Variants in USP40 observed in about 807,000 individuals in gnomAD.
USP40 encodes ubiquitin specific peptidase 40, also known as ubiquitin carboxyl-terminal hydrolase 40.
A neutral mutation model predicts 166.2 loss-of-function variants in USP40; 143 were observed. The ratio of observed to expected loss-of-function variants is 0.86; its 90% CI spans 0.75 to 0.99. USP40 has a LOEUF of 0.99. USP40 is among the 50% of genes least tolerant of loss of function. USP40 has a pLI of 0.00. For synonymous variants in USP40, 498 were observed against 524.0 expected, an observed-to-expected ratio of 0.95 and a Z score of 0.68; for missense variants, 1,444 against 1,479.7, an observed-to-expected ratio of 0.98 and a Z score of 0.40.
rs751505656 is a variant in USP40 at position 233,511,807 on chromosome 2, A to T, written c.2438-10T>A. ...GTATAGCTGTCCGGCACTTAAAAAA[A>T]TTTTGATAATATGATGAAGGTTATT... On this transcript the variant is annotated splice_polypyrimidine_tract_variant and intron_variant, in intron 19 of 31. Transcript: ENST00000678225. 6 of 1,593,690 alleles carry T rather than the reference A, an allele frequency of 3.8e-6. No homozygotes were observed. Among genetic ancestry groups the T allele is most frequent in the East Asian group, 2.3e-5 (1 of 44,334 alleles).
intron 5 of USP40, 79 bp from the exon 6 acceptor site, chr2:233,554,605 G>T: frequency 8.8e-7 from 1 of 1,131,240 alleles, no homozygotes; most frequent in Non-Finnish European, 1.2e-6. Flanking sequence ...TATATATTGG[G>T]AATAATCAGA....
chr2:233,560,142 A>C (rs985399253), intron 3 of USP40, among the ~76,000 whole-genome samples: 1 of 152,226 alleles, frequency 6.6e-6, no homozygotes, highest in African/African-American at 2.4e-5. Context: ...TTCTACCTTG[A>C]TATGGTTCAG....
chr2:233,549,471 A>T (rs1165005360), intron 7 of USP40, among the ~76,000 whole-genome samples: 2 of 152,114 alleles, frequency 1.3e-5, no homozygotes, highest in African/African-American at 4.8e-5. Flanking sequence ...CAAGTACCTG[A>T]AAAATACGTT....
At chr2:233,519,777 C>A in intron 17 of USP40, 106 bp from the exon 18 acceptor site, 1 of 613,642 alleles carries the variant, frequency 1.6e-6, no homozygotes. Flanking sequence ...TATTAATTAC[C>A]TGACATTTAG....
intron 17 of USP40, 50 bp from the exon 18 acceptor site, chr2:233,519,721 A>G: frequency 9.4e-7 from 1 of 1,067,646 alleles, no homozygotes; most frequent in Non-Finnish European, 1.4e-6. Flanking sequence ...ATGGGAGGAG[A>G]TGAAAATGAG....
rs369879863 is a variant in USP40 at position 233,492,152 on chromosome 2, C to A, written c.2918-891G>T. Among the ~76,000 whole-genome samples the A allele has an allele frequency of 2.6e-5, 4 of 152,276 alleles. No individual in the cohort carries two copies. In the East Asian group the frequency reaches 7.7e-4, roughly 29 times the overall value. ...TTATAATACTGTATTTTCACTGTAC[C>A]TTTTTCTGTTTAGATACACAAACAC... On this transcript the variant is annotated intron_variant, in intron 25 of 31. Coordinates refer to ENST00000678225, the MANE Select transcript of USP40 (RefSeq NM_001365479.2).
Position 233,549,199 on chromosome 2 carries a change from CAT to C in USP40, c.866_867del (p.Tyr289Ter). The C allele has an allele frequency of 2.0e-6, 3 of 1,502,630 alleles. No homozygotes were observed. Among genetic ancestry groups the C allele is most frequent in the Non-Finnish European group, 2.7e-6 (3 of 1,091,598 alleles). 93.1% of individuals were successfully genotyped at this position (1,502,630 alleles called of 1,614,324 possible). A position where few individuals can be genotyped will look rare whatever the true frequency, so the allele number is the denominator to read the frequency against. On this transcript the variant is annotated frameshift_variant, in exon 8 of 32. Coordinates refer to ENST00000678225, the MANE Select transcript of USP40 (RefSeq NM_001365479.2). LOFTEE classifies it high-confidence loss of function. ...TTGTGTATAATAACTGAGAAGAGGTCATATATATATTCTAAGTCATCCAATTC... is the reference window on the plus strand; with the variant it reads ...TTGTGTATAATAACTGAGAAGAGGTCATATATATTCTAAGTCATCCAATTC... ...QSELDDLEYI[Y>X]DLFSVIIHKG...
Position 233,533,491 on chromosome 2 carries a change from T to C in USP40, c.1459A>G (p.Arg487Gly). 1 of 1,613,070 alleles carries C rather than the reference T, an allele frequency of 6.2e-7. No individual in the cohort carries two copies. The highest frequency in any genetic ancestry group is 8.5e-7 in the Non-Finnish European group (1 of 1,179,216). The part of the protein sequence containing the change: ...MLFYRKSQLQ[R>G]PPEARANPRY... ...TTTCTTTCCATACCTTCAGGGGGTC[T>C]CTGCAACTGGGATTTCCGATAAAAC... Residue 487 changes from arginine to glycine, a missense_variant, in exon 11 of 32, where the codon AGA becomes GGA. By Grantham distance (125) the Arg-to-Gly change is moderately radical. Coordinates refer to ENST00000678225, the MANE Select transcript of USP40 (RefSeq NM_001365479.2).
chr2:233,484,038 C>T lies in USP40; in HGVS notation c.3504+1493G>A, dbSNP rs532567332. ...TACCCGTGCCTCCATGCTGCACTGT[C>T]GCCACAGCTGTGATCAGTCAACACT... On this transcript the variant is annotated intron_variant, in intron 30 of 31. Transcript: ENST00000678225. 6.5e-4 allele frequency among the ~76,000 whole-genome samples: 99 copies of T among 152,260 alleles called. 1 individual carries two copies. The highest frequency in any genetic ancestry group is 9.1e-4 in the Non-Finnish European group (62 of 68,018).
chr2:233,514,966 T>A (rs1207938114), intron 18 of USP40, among the ~76,000 whole-genome samples: 2 of 152,194 alleles, frequency 1.3e-5, no homozygotes, highest in Admixed American at 6.5e-5. Flanking sequence ...AGCTTAGATT[T>A]TATTTGTCTA....
intron 18 of USP40, among the ~76,000 whole-genome samples, chr2:233,516,733 C>T (rs2067225652): frequency 6.6e-6 from 1 of 151,166 alleles, no homozygotes; most frequent in Non-Finnish European, 1.5e-5. Context: ...TGGCAGGTGC[C>T]TGTAACCCAG....
intron 18 of USP40, among the ~76,000 whole-genome samples, chr2:233,516,544 C>T (rs111426621): frequency 0.017 from 2,657 of 152,010 alleles, 81 homozygotes; most frequent in African/African-American, 0.059. Flanking sequence ...AAAAATTAGC[C>T]GGGCCTGGTG....
rs539935128 is a variant in USP40 at position 233,517,667 on chromosome 2, G to A, written c.2383+1947C>T. Among the ~76,000 whole-genome samples, 18 of 152,134 alleles carry A rather than the reference G, an allele frequency of 1.2e-4. No homozygotes were observed. The South Asian group carries it at 2.3e-3, about 19-fold the overall frequency. ...CTCCCAAAGTGCTGGGATTACAGGC[G>A]TGAGCCACTGTGCCCGGCCTGCACA... On this transcript the variant is annotated intron_variant, in intron 18 of 31. Coordinates refer to ENST00000678225, the MANE Select transcript of USP40 (RefSeq NM_001365479.2).
chr2:233,500,465 TAAAAC>T (rs2066004385), intron 21 of USP40, among the ~76,000 whole-genome samples: 1 of 152,108 alleles, frequency 6.6e-6, no homozygotes, highest in African/African-American at 2.4e-5. Flanking sequence ...AAATAGTAAT[TAAAAC>T]AATTTCTTGA....
chr2:233,504,396 C>T (rs1467281878), intron 21 of USP40, among the ~76,000 whole-genome samples: 1 of 151,840 alleles, frequency 6.6e-6, no homozygotes, highest in Non-Finnish European at 1.5e-5. Flanking sequence ...CTAAAAAAGA[C>T]TCACCTCACT....
At position 233,493,528 on chromosome 2, in the gene USP40, C is replaced by A; in HGVS notation, c.2814G>T (p.Trp938Cys). Residue 938 changes from tryptophan (W) to cysteine (C), a missense_variant, in exon 25 of 32, where the codon TGG (tryptophan) becomes TGT (cysteine). Trp to Cys is a radical substitution (Grantham distance 215). Coordinates refer to ENST00000678225, the MANE Select transcript of USP40 (RefSeq NM_001365479.2). This position sits in a 1 kb window ranked among gnomAD's most constrained non-coding sequence, Gnocchi z 4.7. ...PPLGFLKVPIWWYQLQGPSGH... is the reference protein window; with the variant it reads ...PPLGFLKVPICWYQLQGPSGH... ...CTGAGGGACCCTGAAGCTGGTACCA[C>A]CAGATGGGCACCTTCAGGAAACCCT... 6.2e-7 allele frequency: 1 copy of A among 1,613,242 alleles called. No individual in the cohort carries two copies. Among genetic ancestry groups the A allele is most frequent in the African/African-American group, 1.3e-5 (1 of 75,026 alleles).
At chr2:233,564,815 A>G (rs1156792574) in intron 2 of USP40, among the ~76,000 whole-genome samples, 1 of 152,228 alleles carries the variant, frequency 6.6e-6, no homozygotes, top group Non-Finnish European at 1.5e-5. Context: ...CACATGAGAT[A>G]ACTAAAAACT....
intron 10 of USP40, among the ~76,000 whole-genome samples, chr2:233,535,017 C>A (rs1218227444): frequency 6.6e-6 from 1 of 152,204 alleles, no homozygotes; most frequent in African/African-American, 2.4e-5. Context: ...GGGAAGCAAA[C>A]CAGGTGAGTT....
chr2:233,555,696 C>A (rs1433204228), intron 5 of USP40, among the ~76,000 whole-genome samples: 1 of 144,802 alleles, frequency 6.9e-6, no homozygotes, highest in East Asian at 2.0e-4. Flanking sequence ...AGCACAGTGG[C>A]GCAATCTCAG....
Sources: allele counts gnomAD v4.1 joint callset (sites outside exome capture counted in the v4.1 genomes callset), GRCh38; gene constraint gnomAD v4.1.1; non-coding constraint Gnocchi (gnomAD v3.1); transcripts MANE v1.5; gene names NCBI Gene and HGNC (gene_info 2026-07-23, HGNC 2026-07-21).